The following KCNH8 variants were observed in gnomAD, a reference collection of about 807,000 sequenced individuals.
The protein encoded by KCNH8 is potassium voltage-gated channel subfamily H member 8.
KCNH8 carries 70 observed loss-of-function variants against 103.6 expected under a neutral mutation model. The ratio of observed to expected loss-of-function variants is 0.68; its 90% CI spans 0.56 to 0.82. The LOEUF (loss-of-function observed/expected upper bound fraction) is 0.82. Ranked by LOEUF, KCNH8 falls within the 40% of genes least tolerant of loss-of-function variation. The pLI is 0.00. For synonymous variants in KCNH8, 498 were observed against 489.4 expected, an observed-to-expected ratio of 1.02 and a Z score of -0.23; for missense variants, 1,217 against 1,329.9, an observed-to-expected ratio of 0.92 and a Z score of 1.32.
At chr3:19,152,692 T>G (rs547834717) in intron 1 of KCNH8, among the ~76,000 whole-genome samples, 1 of 152,362 alleles carries the variant, frequency 6.6e-6, no homozygotes, top group African/African-American at 2.4e-5. Flanking sequence ...TCCCAGCACT[T>G]TGGGAGGCTG....
intron 1 of KCNH8, among the ~76,000 whole-genome samples, chr3:19,230,967 G>T (rs2063987913): frequency 6.6e-6 from 1 of 152,082 alleles, no homozygotes; most frequent in Non-Finnish European, 1.5e-5. Context: ...CATCATGTTA[G>T]ATATGAATGA....
At chr3:19,420,960 T>C (rs2066942033) in intron 7 of KCNH8, among the ~76,000 whole-genome samples, 1 of 152,172 alleles carries the variant, frequency 6.6e-6, no homozygotes, top group Non-Finnish European at 1.5e-5. Context: ...GTTGACTGTG[T>C]GTGTGTGTGT....
intron 1 of KCNH8, among the ~76,000 whole-genome samples, chr3:19,159,416 C>A (rs183742899): frequency 6.6e-6 from 1 of 151,656 alleles, no homozygotes; most frequent in Non-Finnish European, 1.5e-5. Context: ...TTTTCTTGGA[C>A]GTGTATATTA....
chr3:19,324,174 GTGGC>G (rs1226941594), intron 3 of KCNH8, among the ~76,000 whole-genome samples: 1 of 152,172 alleles, frequency 6.6e-6, no homozygotes. Context: ...AGGTCTTGGT[GTGGC>G]TGCTGTGGCT....
At chr3:19,460,751 C>G (rs2067611154) in intron 11 of KCNH8, among the ~76,000 whole-genome samples, 3 of 152,264 alleles carry the variant, frequency 2.0e-5, no homozygotes, top group Non-Finnish European at 4.4e-5. Flanking sequence ...CCATAATCCC[C>G]ACATATCATG....
intron 3 of KCNH8, among the ~76,000 whole-genome samples, chr3:19,282,648 C>T (rs1427113794): frequency 6.6e-6 from 1 of 152,032 alleles, no homozygotes; most frequent in Non-Finnish European, 1.5e-5. Flanking sequence ...AATATGAGGA[C>T]CATGCCTAAT....
Position 19,172,904 on chromosome 3 carries a change from C to T in KCNH8, c.76+24109C>T, listed in dbSNP as rs192585944. Among the ~76,000 whole-genome samples the T allele has an allele frequency of 3.3e-5, 5 of 152,050 alleles. No individual in the cohort carries two copies. In the South Asian group the frequency reaches 6.2e-4, roughly 19 times the overall value. ...TTAATTGCTCTAATCCCATCTCCTG[C>T]TATCTGCTTACCTATATGCCTTCTT... On this transcript the variant is annotated intron_variant, in intron 1 of 15. Coordinates refer to ENST00000328405, the MANE Select transcript of KCNH8 (RefSeq NM_144633.3).
intron 3 of KCNH8, among the ~76,000 whole-genome samples, chr3:19,295,387 TAAATAAATAAATA>T (rs1403605762): frequency 1.0e-5 from 1 of 99,554 alleles, no homozygotes; most frequent in African/African-American, 6.6e-5. Context: ...CTGTCTCAAA[TAAATAAATAAATA>T]AATAAATAAA....
chr3:19,249,035 A>AAC (rs2064242690), intron 1 of KCNH8, among the ~76,000 whole-genome samples: 1 of 152,156 alleles, frequency 6.6e-6, no homozygotes, highest in South Asian at 2.1e-4. Context: ...TTTCAAACTG[A>AAC]ATATATATAT....
At chr3:19,485,086 C>T (rs1175342077) in intron 11 of KCNH8, among the ~76,000 whole-genome samples, 10 of 152,128 alleles carry the variant, frequency 6.6e-5, no homozygotes, top group African/African-American at 1.4e-4. Flanking sequence ...GGTCGGTAGG[C>T]GGCATGTAGC....
chr3:19,251,866 T>C (rs534737962), intron 1 of KCNH8, among the ~76,000 whole-genome samples: 1 of 152,312 alleles, frequency 6.6e-6, no homozygotes, highest in Non-Finnish European at 1.5e-5. Context: ...AAACATTTCA[T>C]GTTTGGTATG....
chr3:19,302,740 T>A (rs1262146681), intron 3 of KCNH8, among the ~76,000 whole-genome samples: 2 of 152,214 alleles, frequency 1.3e-5, no homozygotes, highest in Non-Finnish European at 2.9e-5. Flanking sequence ...CCCTTTATCA[T>A]ATTTGTTATT....
At chr3:19,269,426 G>A (rs2064557569) in intron 2 of KCNH8, among the ~76,000 whole-genome samples, 1 of 152,020 alleles carries the variant, frequency 6.6e-6, no homozygotes, top group African/African-American at 2.4e-5. Flanking sequence ...ATGCTACTAA[G>A]ATAATATACT....
chr3:19,409,596 C>A (rs2066744878), intron 7 of KCNH8, among the ~76,000 whole-genome samples: 1 of 152,084 alleles, frequency 6.6e-6, no homozygotes, highest in Non-Finnish European at 1.5e-5. Flanking sequence ...AAACAAGACC[C>A]ATTCATCTGC....
intron 5 of KCNH8, among the ~76,000 whole-genome samples, chr3:19,384,348 A>C (rs1399290623): frequency 1.3e-5 from 2 of 152,212 alleles, no homozygotes; most frequent in African/African-American, 4.8e-5. Context: ...GGGGCTCTGC[A>C]CAAGGCAAAG....
chr3:19,174,731 T>C (rs1379103080), intron 1 of KCNH8, among the ~76,000 whole-genome samples: 1 of 152,180 alleles, frequency 6.6e-6, no homozygotes, highest in Non-Finnish European at 1.5e-5. Flanking sequence ...CTCCTAGTGG[T>C]GTCTAGCATA....
chr3:19,456,724 G>A lies in KCNH8; in HGVS notation c.1826-44G>A, dbSNP rs543225849. 120 of 1,362,446 alleles carry A rather than the reference G, an allele frequency of 8.8e-5. 2 individuals carry two copies. The South Asian group carries it at 1.2e-3, about 13-fold the overall frequency. 84.4% of individuals were successfully genotyped at this position (1,362,446 alleles called of 1,614,324 possible). ...AGTCAAATGAGGTTATCAGTCCTAA[G>A]CTTGCTTTTTTTTTTTGAAAATGAT... On this transcript the variant is annotated intron_variant, in intron 10 of 15. Coordinates refer to ENST00000328405, the MANE Select transcript of KCNH8 (RefSeq NM_144633.3).
chr3:19,292,233 A>C (rs1032116029), intron 3 of KCNH8, among the ~76,000 whole-genome samples: 15 of 152,218 alleles, frequency 9.9e-5, no homozygotes, highest in Non-Finnish European at 1.3e-4. Flanking sequence ...TAACAACATC[A>C]GTTATCATAG....
At chr3:19,487,574 G>C (rs1044869232) in intron 11 of KCNH8, among the ~76,000 whole-genome samples, 1 of 152,182 alleles carries the variant, frequency 6.6e-6, no homozygotes, top group African/African-American at 2.4e-5. Context: ...TAACTTCTGT[G>C]AGTACGGGTG....
Sources: allele counts gnomAD v4.1 joint callset (sites outside exome capture counted in the v4.1 genomes callset), GRCh38; gene constraint gnomAD v4.1.1; transcripts MANE v1.5; gene names NCBI Gene and HGNC (gene_info 2026-07-23, HGNC 2026-07-21).